Variants in ADAMTSL1 observed in about 807,000 individuals in gnomAD.
ADAMTSL1 encodes ADAMTS-like protein 1.
A neutral mutation model predicts 201.8 loss-of-function variants in ADAMTSL1; 126 were observed. The observed-to-expected ratio is 0.62, with a 90% CI of 0.54 to 0.72. The LOEUF is 0.72. Among genes scored for constraint, ADAMTSL1 ranks in the 30% least tolerant of loss-of-function variants. The pLI is 0.00. For missense variants in ADAMTSL1, 2,679 were observed against 2,277.8 expected, an observed-to-expected ratio of 1.18 and a Z score of -3.59; for synonymous variants, 1,121 against 903.4, an observed-to-expected ratio of 1.24 and a Z score of -4.32.
intron 23 of ADAMTSL1, among the ~76,000 whole-genome samples, chr9:18,836,749 T>G (rs1014659360): frequency 2.0e-5 from 3 of 152,228 alleles, no homozygotes; most frequent in African/African-American, 7.2e-5. Flanking sequence ...GCTTTTCCAT[T>G]TATGGATGTC....
rs968279015 is a variant in ADAMTSL1 at position 18,072,820 on chromosome 9, T to G, written c.88-91042T>G. Among the ~76,000 whole-genome samples, 3 of 152,244 alleles carry G rather than the reference T, an allele frequency of 2.0e-5. No individual in the cohort carries two copies. In the South Asian group the frequency reaches 6.2e-4, roughly 32 times the overall value. On this transcript the variant is annotated intron_variant, in intron 1 of 29. Transcript: ENST00000680146. ...TAGTGGAGTTTTCCAGTTCATGCTA[T>G]CAGGAACTGATGTGTAGAATTAGGC...
chr9:18,363,289 T>G (rs1836611465), intron 2 of ADAMTSL1, among the ~76,000 whole-genome samples: 2 of 152,260 alleles, frequency 1.3e-5, no homozygotes, highest in Admixed American at 6.5e-5. Flanking sequence ...CCATGGCTAC[T>G]GTGATTCTTC....
chr9:18,378,069 C>G (rs1300497288), intron 2 of ADAMTSL1, among the ~76,000 whole-genome samples: 2 of 152,164 alleles, frequency 1.3e-5, no homozygotes, highest in Non-Finnish European at 2.9e-5. Context: ...TGGGAAAAGG[C>G]ATCTTCTTTC....
At chr9:18,034,612 A>G (rs1048549842) in intron 1 of ADAMTSL1, among the ~76,000 whole-genome samples, 2 of 152,134 alleles carry the variant, frequency 1.3e-5, no homozygotes, top group Admixed American at 1.3e-4. Context: ...AAACCTCAGT[A>G]CCATCTGACA....
intron 17 of ADAMTSL1, among the ~76,000 whole-genome samples, chr9:18,774,844 T>G (rs1025633267): frequency 2.6e-5 from 4 of 152,178 alleles, no homozygotes; most frequent in Non-Finnish European, 4.4e-5. Context: ...GCTATGAATG[T>G]TTGCACACAA....
At chr9:18,192,058 C>T (rs979587757) in intron 2 of ADAMTSL1, among the ~76,000 whole-genome samples, 1 of 152,066 alleles carries the variant, frequency 6.6e-6, no homozygotes, top group Non-Finnish European at 1.5e-5. Flanking sequence ...AAAAGTGGTA[C>T]ATTTCATGGT....
rs1357962626 is a variant in ADAMTSL1, at chr9:17,912,134, C to T, written c.87+5212C>T. On this transcript the variant is annotated intron_variant, in intron 1 of 29. Coordinates refer to the ADAMTSL1 transcript ENST00000680146. ...AAGTCTTTGCTGTTGTGAATAATGC[C>T]GCAATAAACATATGTGTGCATGTGT... is the stretch of plus-strand genomic sequence containing the variant. 4.0e-4 allele frequency among the ~76,000 whole-genome samples: 21 copies of T among 53,120 alleles called. 7 individuals carry two copies. The highest frequency in any genetic ancestry group is 5.2e-4 in the African/African-American group (15 of 28,762). The allele number at this position is 53,120 out of a possible 152,430, so 34.8% of individuals were successfully genotyped here. A position where few individuals can be genotyped will look rare whatever the true frequency, so the allele number is the denominator to read the frequency against.
chr9:18,242,675 A>G (rs1156640616), intron 2 of ADAMTSL1, among the ~76,000 whole-genome samples: 1 of 152,154 alleles, frequency 6.6e-6, no homozygotes, highest in African/African-American at 2.4e-5. Context: ...AGGATATGAA[A>G]TCAACATATA....
intron 2 of ADAMTSL1, among the ~76,000 whole-genome samples, chr9:18,465,567 A>C (rs1473294600): frequency 6.6e-6 from 1 of 152,116 alleles, no homozygotes; most frequent in Non-Finnish European, 1.5e-5. Flanking sequence ...GTTTCTTGGA[A>C]TTACACCCAC....
intron 22 of ADAMTSL1, among the ~76,000 whole-genome samples, chr9:18,828,028 C>G (rs1368414469): frequency 2.0e-5 from 3 of 152,168 alleles, no homozygotes; most frequent in African/African-American, 7.2e-5. Flanking sequence ...AGATTTCACC[C>G]CAAGTTCCGT....
At chr9:18,291,716 TTCTCTCTCTCTCTC>T (rs766379106) in intron 2 of ADAMTSL1, among the ~76,000 whole-genome samples, 2 of 114,690 alleles carry the variant, frequency 1.7e-5, no homozygotes, top group South Asian at 3.1e-4. Context: ...CTCTCTCTCT[TTCTCTCTCTCTCTC>T]TCTCTCTCTC....
intron 5 of ADAMTSL1, among the ~76,000 whole-genome samples, chr9:18,626,467 G>C (rs960593780): frequency 6.6e-6 from 1 of 152,220 alleles, no homozygotes. Flanking sequence ...CAGACGTCCT[G>C]TGGTATTTGC....
chr9:17,949,976 T>C (rs886458849), intron 1 of ADAMTSL1, among the ~76,000 whole-genome samples: 1 of 152,132 alleles, frequency 6.6e-6, no homozygotes, highest in African/African-American at 2.4e-5. Context: ...TGGAGTGCAA[T>C]GGCCTGATCT....
intron 4 of ADAMTSL1, among the ~76,000 whole-genome samples, chr9:18,616,133 C>T (rs2132636825): frequency 6.6e-6 from 1 of 152,290 alleles, no homozygotes. Flanking sequence ...TCAAACAATT[C>T]TCATTCCTCA....
At chr9:18,324,942 C>T (rs1047839328) in intron 2 of ADAMTSL1, among the ~76,000 whole-genome samples, 3 of 152,056 alleles carry the variant, frequency 2.0e-5, no homozygotes, top group East Asian at 3.8e-4. Flanking sequence ...GACAAAAAAA[C>T]TTAAACACTT....
intron 1 of ADAMTSL1, among the ~76,000 whole-genome samples, chr9:18,486,898 T>C (rs1196647950): frequency 6.6e-6 from 1 of 152,224 alleles, no homozygotes; most frequent in Non-Finnish European, 1.5e-5. Flanking sequence ...ACTCCTTAGA[T>C]TCATGTCACA....
chr9:18,303,677 C>G (rs1474731812), intron 2 of ADAMTSL1, among the ~76,000 whole-genome samples: 3 of 152,086 alleles, frequency 2.0e-5, no homozygotes, highest in African/African-American at 4.8e-5. Context: ...CGCGGAAAGG[C>G]AGGGATGGGG....
chr9:18,258,217 A>G (rs1428735301), intron 2 of ADAMTSL1, among the ~76,000 whole-genome samples: 1 of 152,250 alleles, frequency 6.6e-6, no homozygotes, highest in Non-Finnish European at 1.5e-5. Flanking sequence ...TTTATGTTGT[A>G]TGTATTTACC....
chr9:18,668,609 C>G (rs1008857786), intron 9 of ADAMTSL1, among the ~76,000 whole-genome samples: 2 of 152,166 alleles, frequency 1.3e-5, no homozygotes, highest in African/African-American at 4.8e-5. Context: ...AACTTCTTAT[C>G]TAGGCCTGAG....
Sources: allele counts gnomAD v4.1 joint callset (sites outside exome capture counted in the v4.1 genomes callset), GRCh38; gene constraint gnomAD v4.1.1; transcripts MANE v1.5; gene names NCBI Gene and HGNC (gene_info 2026-07-23, HGNC 2026-07-21).